The following PTRH2 variants were observed in gnomAD, a reference collection of about 807,000 sequenced individuals.
PTRH2 encodes the protein peptidyl-tRNA hydrolase 2, mitochondrial.
PTRH2 carries 10 observed loss-of-function variants against 12.3 expected under a neutral mutation model. The observed-to-expected ratio is 0.81, with a 90% CI of 0.50 to 1.38. The LOEUF (loss-of-function observed/expected upper bound fraction) is 1.38, where lower values mean the gene tolerates loss of function less well. Ranked by LOEUF, PTRH2 falls within the 40% of genes most tolerant of loss-of-function variation. The pLI, the probability that PTRH2 is intolerant of heterozygous loss-of-function variation, is 0.00. For synonymous variants in PTRH2, 73 were observed against 77.4 expected, an observed-to-expected ratio of 0.94 and a Z score of 0.30; for missense variants, 176 against 214.1, an observed-to-expected ratio of 0.82 and a Z score of 1.11.
intron 1 of PTRH2, among the ~76,000 whole-genome samples, chr17:59,705,564 T>C (rs8075664): frequency 0.82 from 124,773 of 152,056 alleles, 51,456 homozygotes; most frequent in East Asian, 0.94. Context: ...GGACTACAGG[T>C]GCATGCCACC....
chr17:59,698,131 C>T lies in PTRH2; in HGVS notation c.1-153G>A, dbSNP rs1411637884. The T allele has an allele frequency of 2.1e-5, 15 of 707,394 alleles. No homozygotes were observed. The South Asian group carries it at 2.7e-4, about 13-fold the overall frequency. The allele number at this position is 707,394 out of a possible 1,614,324, so 43.8% of individuals were successfully genotyped here. A position where few individuals can be genotyped will look rare whatever the true frequency, so the allele number is the denominator to read the frequency against. ...TCTTATGCCTGCACCCTGTTTCCAA[C>T]ACCCTCTTGCCCACCACCAGTGTAC... On this transcript the variant is annotated intron_variant, in intron 1 of 1. Transcript: ENST00000393038.
chr17:59,705,733 G>C (rs2033633731), intron 1 of PTRH2, among the ~76,000 whole-genome samples: 1 of 152,154 alleles, frequency 6.6e-6, no homozygotes, highest in Non-Finnish European at 1.5e-5. Context: ...AACCCAGTGA[G>C]ACCTCATCTT....
chr17:59,698,325 T>C (rs1423303895), intron 1 of PTRH2: 2 of 295,560 alleles, frequency 6.8e-6, no homozygotes, highest in African/African-American at 4.3e-5. Context: ...AAATAACCCT[T>C]TCCTGGAATA....
rs776100597 is a variant in PTRH2, at chr17:59,697,444, A to G, written c.535T>C (p.Tyr179His). The G allele has an allele frequency of 3.7e-5, 59 of 1,603,692 alleles. No homozygotes were observed. In the South Asian group the frequency reaches 6.0e-4, roughly 16 times the overall value. Residue 179 changes from tyrosine to histidine, a missense_variant, in exon 2 of 2, where the codon TAC (tyrosine) becomes CAC (histidine). Transcript: ENST00000393038. ...IDKVTGHLKL[Y>H] is the part of the protein sequence containing the mutation. ...GTTGTCATATCAAAGTCCACCTAGT[A>G]AAGTTTTAGGTGACCAGTGACTTTG... is the stretch of plus-strand genomic sequence containing the variant.
At chr17:59,703,546 C>T (rs1444651314) in intron 1 of PTRH2, among the ~76,000 whole-genome samples, 1 of 152,086 alleles carries the variant, frequency 6.6e-6, no homozygotes, top group East Asian at 1.9e-4. Flanking sequence ...TTCTTGTCTC[C>T]CATGCTGGAG....
At chr17:59,704,782 G>A (rs575616972) in intron 1 of PTRH2, among the ~76,000 whole-genome samples, 1 of 151,962 alleles carries the variant, frequency 6.6e-6, no homozygotes, top group African/African-American at 2.4e-5. Flanking sequence ...AAGAGACAAA[G>A]ACAGAGAATT....
At chr17:59,707,271 A>C (rs975819442) in intron 1 of PTRH2, 100 bp downstream of exon 1, 4 of 152,678 alleles carry the variant, frequency 2.6e-5, no homozygotes, top group East Asian at 1.9e-4. Context: ...AAAATGAAGA[A>C]GGTGGGTAAT....
At chr17:59,699,677 T>C (rs2033520777) in intron 1 of PTRH2, 1 of 152,810 alleles carries the variant, frequency 6.5e-6, no homozygotes, top group South Asian at 2.1e-4. Flanking sequence ...TGACAGTGGA[T>C]TTAACTGATG....
At chr17:59,701,919 T>C (rs1369038106) in intron 1 of PTRH2, among the ~76,000 whole-genome samples, 1 of 150,880 alleles carries the variant, frequency 6.6e-6, no homozygotes. Context: ...TTAGCCAGGA[T>C]GGTCTCAATC....
At chr17:59,698,893 C>T in intron 1 of PTRH2, 1 of 716,352 alleles carries the variant, frequency 1.4e-6, no homozygotes. Flanking sequence ...CAGCTGAAAG[C>T]ACAGTGGTCC....
At chr17:59,698,650 A>G (rs2033496124) in intron 1 of PTRH2, 1 of 524,854 alleles carries the variant, frequency 1.9e-6, no homozygotes, top group South Asian at 2.5e-5. Flanking sequence ...TATCCCAATT[A>G]ACCCAATTAA....
intron 1 of PTRH2, chr17:59,700,089 C>A (rs1007939570): frequency 6.6e-6 from 1 of 152,194 alleles, no homozygotes; most frequent in African/African-American, 2.4e-5. Context: ...ATGCAAAACT[C>A]GAAGTACAGT....
At chr17:59,703,526 CAG>C (rs933072914) in intron 1 of PTRH2, among the ~76,000 whole-genome samples, 7 of 152,130 alleles carry the variant, frequency 4.6e-5, no homozygotes, top group Admixed American at 3.3e-4. Flanking sequence ...CTTTTTGAGA[CAG>C]AGTCTTGTTC....
At chr17:59,707,131 G>C (rs1489062892) in intron 1 of PTRH2, 3 of 152,160 alleles carry the variant, frequency 2.0e-5, no homozygotes, top group African/African-American at 4.8e-5. Flanking sequence ...CTGCCTGGAG[G>C]CTTTGCTGGG....
chr17:59,700,662 A>G (rs2143643055), intron 1 of PTRH2: 1 of 152,360 alleles, frequency 6.6e-6, no homozygotes, highest in Non-Finnish European at 1.5e-5. Context: ...AAGGCGACAC[A>G]GAGGAAAGCA....
intron 1 of PTRH2, chr17:59,698,280 G>A (rs771208540): frequency 3.8e-5 from 14 of 364,842 alleles, no homozygotes; most frequent in Non-Finnish European, 6.5e-5. Context: ...GAGATGTTCC[G>A]TTTTACCAAG....
chr17:59,706,174 G>A (rs916130670), intron 1 of PTRH2, among the ~76,000 whole-genome samples: 1 of 152,136 alleles, frequency 6.6e-6, no homozygotes, highest in Non-Finnish European at 1.5e-5. Flanking sequence ...TAAGACTAAG[G>A]TAAAACAAAT....
chr17:59,697,426 T>C lies in PTRH2; in HGVS notation c.*13A>G. 6.3e-7 allele frequency: 1 copy of C among 1,595,740 alleles called. No homozygotes were observed. The highest frequency in any genetic ancestry group is 8.6e-7 in the Non-Finnish European group (1 of 1,167,552). ...ACTTGTGATGGAGGGGTTGTTGTCA[T>C]ATCAAAGTCCACCTAGTAAAGTTTT... On this transcript the variant is annotated 3_prime_UTR_variant, in exon 2 of 2. Coordinates refer to ENST00000393038, the MANE Select transcript of PTRH2 (RefSeq NM_016077.5).
At chr17:59,700,924 C>T (rs181143185) in intron 1 of PTRH2, 10 of 151,950 alleles carry the variant, frequency 6.6e-5, no homozygotes, top group African/African-American at 2.4e-4. Flanking sequence ...AAGAGAAAGG[C>T]GGAAATAAAA....
Sources: gnomAD v4.1 joint callset for allele counts (sites outside exome capture counted in the v4.1 genomes callset) on GRCh38, gnomAD v4.1.1 for gene constraint, MANE v1.5 for transcripts, NCBI Gene and HGNC (gene_info 2026-07-23, HGNC 2026-07-21) for gene names.